The following NEDD1 variants were observed in gnomAD, a reference collection of about 807,000 sequenced individuals.
NEDD1 encodes protein NEDD1.
A neutral mutation model predicts 74.0 loss-of-function variants in NEDD1; 33 were observed. That is an observed-to-expected ratio of 0.45 (90% confidence interval 0.34 to 0.60). The LOEUF is 0.60. NEDD1 is among the 20% of genes least tolerant of loss of function. The pLI is 0.01. For synonymous variants in NEDD1, 250 were observed against 264.4 expected (o/e 0.95, Z 0.53); for missense variants, 746 against 776.5 (o/e 0.96, Z 0.47).
chr12:96,909,936 A>G, intron 3 of NEDD1, 41 bp downstream of exon 3: 1 of 1,573,628 alleles, frequency 6.4e-7, no homozygotes, highest in Non-Finnish European at 8.6e-7. Flanking sequence ...ACACACACAA[A>G]CCGCTTATTA....
At chr12:96,951,573 G>A (rs770320197) in intron 15 of NEDD1, 75 bp downstream of exon 15, 1 of 781,982 alleles carries the variant, frequency 1.3e-6, no homozygotes, top group Non-Finnish European at 2.1e-6. Context: ...TCCATGAAAG[G>A]TAATATATTT....
intron 6 of NEDD1, among the ~76,000 whole-genome samples, chr12:96,930,553 G>C (rs1303102051): frequency 3.9e-5 from 6 of 152,122 alleles, no homozygotes; most frequent in South Asian, 2.1e-4. Flanking sequence ...GTTTTTATTG[G>C]GGGGGCTGGT....
intron 6 of NEDD1, among the ~76,000 whole-genome samples, chr12:96,930,954 G>A (rs2136566230): frequency 6.6e-6 from 1 of 152,284 alleles, no homozygotes; most frequent in Non-Finnish European, 1.5e-5. Context: ...AGACAAATAT[G>A]TTGAGATTTT....
intron 6 of NEDD1, among the ~76,000 whole-genome samples, chr12:96,929,716 C>G (rs1876168807): frequency 1.3e-5 from 2 of 151,460 alleles, no homozygotes; most frequent in Admixed American, 6.6e-5. Context: ...CCATCCTGTT[C>G]AGGTTTGCTT....
In NEDD1 at chr12:96,917,749, A is replaced by T. The variant is rs746195763; in HGVS notation, c.348+12A>T. On this transcript the variant is annotated intron_variant, in intron 5 of 15. Coordinates refer to ENST00000266742, the MANE Select transcript of NEDD1 (RefSeq NM_152905.4). ...ATCGATCTCTTAAGGTAAGCAATTT[A>T]AAAAAAATCTTCATGAAAAAATGGA... 7.8e-6 allele frequency: 12 copies of T among 1,539,100 alleles called. No individual in the cohort carries two copies. The highest frequency in any genetic ancestry group is 1.4e-5 in the African/African-American group (1 of 69,630).
intron 3 of NEDD1, 118 bp downstream of exon 3, chr12:96,910,013 C>T: frequency 1.9e-6 from 2 of 1,050,856 alleles, no homozygotes; most frequent in Non-Finnish European, 2.6e-6. Flanking sequence ...TTTTGCATTG[C>T]TACCAAGGAT....
rs576542180 is a variant in NEDD1 at position 96,945,836 on chromosome 12, T to C, written c.1798T>C (p.Leu600=). Residue 600 remains leucine (L), a synonymous_variant, in exon 14 of 16, where the codon TTG becomes CTG. Transcript: ENST00000266742. The part of the protein sequence containing the change: ...RFIQNMIQET[L]DDFREACHRD... Reference sequence around the variant, plus strand: ...TATTCAGAACATGATACAGGAAACGTTGGATGACTTTAGGTAGTAATTGAG... The same window carrying C: ...TATTCAGAACATGATACAGGAAACGCTGGATGACTTTAGGTAGTAATTGAG... The C allele has an allele frequency of 1.0e-4, 162 of 1,609,572 alleles. No individual in the cohort carries two copies. The South Asian group carries it at 1.6e-3, about 16-fold the overall frequency.
At chr12:96,927,702 A>G (rs1242479547) in intron 6 of NEDD1, among the ~76,000 whole-genome samples, 1 of 152,216 alleles carries the variant, frequency 6.6e-6, no homozygotes, top group African/African-American at 2.4e-5. Context: ...AGATTTTGTA[A>G]GCATTAATAG....
At chr12:96,934,457 G>T (rs548055485) in intron 6 of NEDD1, among the ~76,000 whole-genome samples, 1 of 151,422 alleles carries the variant, frequency 6.6e-6, no homozygotes, top group Non-Finnish European at 1.5e-5. Flanking sequence ...TGACACCGTG[G>T]TTGTCATGAT....
chr12:96,922,982 T>C (rs1875266897), intron 6 of NEDD1, among the ~76,000 whole-genome samples: 1 of 151,986 alleles, frequency 6.6e-6, no homozygotes, highest in Non-Finnish European at 1.5e-5. Flanking sequence ...CCAGGCATGG[T>C]GGTGCATGCC....
At chr12:96,929,930 T>C (rs758421721) in intron 6 of NEDD1, among the ~76,000 whole-genome samples, 7 of 152,134 alleles carry the variant, frequency 4.6e-5, no homozygotes, top group Non-Finnish European at 7.4e-5. Flanking sequence ...GAATACCTTT[T>C]GGCTGTTATG....
At chr12:96,919,878 C>A in intron 5 of NEDD1, 107 bp from the exon 6 acceptor site, 2 of 677,758 alleles carry the variant, frequency 3.0e-6, no homozygotes, top group South Asian at 2.9e-5. Flanking sequence ...AATGTTAAAG[C>A]AAATATTAGA....
intron 2 of NEDD1, 67 bp downstream of exon 2, chr12:96,907,923 G>T: frequency 7.9e-7 from 1 of 1,258,206 alleles, no homozygotes; most frequent in Non-Finnish European, 1.0e-6. Context: ...TAAATCACCC[G>T]GCGAGTTGTG....
chr12:96,920,727 T>C (rs1348209264), intron 6 of NEDD1, among the ~76,000 whole-genome samples: 1 of 152,212 alleles, frequency 6.6e-6, no homozygotes, highest in Non-Finnish European at 1.5e-5. Flanking sequence ...TGGTTGACTT[T>C]CCATAAGATT....
At chr12:96,918,433 C>T (rs1388006636) in intron 5 of NEDD1, among the ~76,000 whole-genome samples, 1 of 151,888 alleles carries the variant, frequency 6.6e-6, no homozygotes, top group Admixed American at 6.6e-5. Context: ...TTTATATCTA[C>T]ACACATACAC....
chr12:96,912,468 T>C (rs1874017199), intron 3 of NEDD1: 1 of 290,274 alleles, frequency 3.4e-6, no homozygotes, highest in Non-Finnish European at 6.3e-6. Context: ...AACAGAGTAG[T>C]ATTTCACGTG....
Position 96,944,706 on chromosome 12 carries a change from C to T in NEDD1, c.1565C>T (p.Thr522Ile), listed in dbSNP as rs146072419. The change falls in exon 13 of 16, where the codon ACA (threonine) becomes ATA (isoleucine). Residue 522 changes from threonine to isoleucine, a missense_variant. Transcript: ENST00000266742. Reference protein sequence around the residue: ...NLNTSPSSNQTRNSEKFEKPE... With the variant: ...NLNTSPSSNQIRNSEKFEKPE... Reference sequence around the variant, plus strand: ...AATACCTCTCCATCATCTAACCAAACAAGAAATTCTGAGAAATTTGAAAAG... The same window carrying T: ...AATACCTCTCCATCATCTAACCAAATAAGAAATTCTGAGAAATTTGAAAAG... The T allele has an allele frequency of 1.2e-6, 2 of 1,600,580 alleles. No individual in the cohort carries two copies. Among genetic ancestry groups the T allele is most frequent in the East Asian group, 4.5e-5 (2 of 44,024 alleles).
intron 6 of NEDD1, among the ~76,000 whole-genome samples, chr12:96,930,881 A>G (rs1363306126): frequency 6.6e-6 from 1 of 152,074 alleles, no homozygotes; most frequent in African/African-American, 2.4e-5. Flanking sequence ...TCATTCAGAA[A>G]CTCTGCCACC....
rs1167942147 is a variant in NEDD1, at chr12:96,953,026, C to G, written c.*973C>G. ...AAGGTTGTCAAAATAAGTTATACCTCTTTGGCAATAGATAGATGTATACAT... is the reference window on the plus strand; with the variant it reads ...AAGGTTGTCAAAATAAGTTATACCTGTTTGGCAATAGATAGATGTATACAT... On this transcript the variant is annotated 3_prime_UTR_variant, in exon 16 of 16. Coordinates refer to ENST00000266742, the MANE Select transcript of NEDD1 (RefSeq NM_152905.4). 2 of 151,330 alleles carry G rather than the reference C, an allele frequency of 1.3e-5. No homozygotes were observed. The highest frequency in any genetic ancestry group is 3.0e-5 in the Non-Finnish European group (2 of 67,606). 9.4% of individuals were successfully genotyped at this position (151,330 alleles called of 1,614,324 possible). A position where few individuals can be genotyped will look rare whatever the true frequency, so the allele number is the denominator to read the frequency against.
Sources: allele counts gnomAD v4.1 joint callset (sites outside exome capture counted in the v4.1 genomes callset), GRCh38; gene constraint gnomAD v4.1.1; transcripts MANE v1.5; gene names NCBI Gene and HGNC (gene_info 2026-07-23, HGNC 2026-07-21).